SUGCT: variants seen among roughly 807,000 people sequenced by gnomAD.
The protein encoded by SUGCT is succinyl-CoA:glutarate-CoA transferase.
SUGCT carries 41 observed loss-of-function variants against 55.0 expected under a neutral mutation model. The observed-to-expected ratio is 0.74, with a 90% CI of 0.58 to 0.97. The LOEUF (loss-of-function observed/expected upper bound fraction) is 0.97. SUGCT is among the 50% of genes least tolerant of loss of function. SUGCT has a pLI of 0.00. For synonymous variants in SUGCT, 187 were observed against 200.4 expected, an observed-to-expected ratio of 0.93 and a Z score of 0.56; for missense variants, 568 against 547.8, an observed-to-expected ratio of 1.04 and a Z score of -0.37.
In SUGCT at chr7:40,288,956, G is replaced by T. The variant is rs78865097; in HGVS notation, c.720+14300G>T. 9.1e-3 allele frequency among the ~76,000 whole-genome samples: 1,387 copies of T among 152,214 alleles called. 16 individuals carry two copies. The highest frequency in any genetic ancestry group is 0.024 in the Middle Eastern group (7 of 294). Reference sequence around the variant, plus strand: ...ACACAGAAGAATGGGCTGATGCTTTGAAATTTCAGTCTTTTCTTTCTTCCT... The same window carrying T: ...ACACAGAAGAATGGGCTGATGCTTTTAAATTTCAGTCTTTTCTTTCTTCCT... On this transcript the variant is annotated intron_variant, in intron 8 of 13. Coordinates refer to ENST00000335693, the MANE Select transcript of SUGCT (RefSeq NM_001193313.2).
the SUGCT span, among the ~76,000 whole-genome samples, chr7:40,919,388 G>C: frequency 6.6e-6 from 1 of 152,184 alleles, no homozygotes; most frequent in Non-Finnish European, 1.5e-5. Context: ...AATTACCTTT[G>C]AATCAACCAT....
At chr7:40,781,298 A>G (rs1340190575) in intron 13 of SUGCT, among the ~76,000 whole-genome samples, 1 of 152,222 alleles carries the variant, frequency 6.6e-6, no homozygotes, top group Non-Finnish European at 1.5e-5. Context: ...GGACATCACC[A>G]GGATTGATAA....
chr7:40,622,893 G>A (rs535643477), intron 12 of SUGCT, among the ~76,000 whole-genome samples: 8 of 152,070 alleles, frequency 5.3e-5, no homozygotes, highest in Non-Finnish European at 1.0e-4. Context: ...TAAACCTTGG[G>A]CTAATATTCT....
chr7:40,899,114 A>T, the SUGCT span, among the ~76,000 whole-genome samples: 1 of 152,056 alleles, frequency 6.6e-6, no homozygotes, highest in East Asian at 1.9e-4. Context: ...CTCTGATAGG[A>T]GGGAAGGAGT....
At chr7:40,532,647 C>G (rs1456258699) in intron 12 of SUGCT, among the ~76,000 whole-genome samples, 2 of 151,260 alleles carry the variant, frequency 1.3e-5, no homozygotes, top group East Asian at 3.9e-4. Flanking sequence ...TCTAGGTAAG[C>G]AAGCAAAAAT....
intron 9 of SUGCT, among the ~76,000 whole-genome samples, chr7:40,440,759 G>C (rs940972824): frequency 1.3e-5 from 2 of 151,946 alleles, no homozygotes; most frequent in African/African-American, 4.8e-5. Flanking sequence ...TCATTGTTTG[G>C]GGGGCTGAGG....
At chr7:40,226,483 C>T (rs1457366424) in intron 6 of SUGCT, among the ~76,000 whole-genome samples, 1 of 152,028 alleles carries the variant, frequency 6.6e-6, no homozygotes, top group Non-Finnish European at 1.5e-5. Flanking sequence ...CAAAAAAACA[C>T]AAAGACCAAA....
chr7:40,791,295 T>G (rs183718709), intron 13 of SUGCT, among the ~76,000 whole-genome samples: 25 of 152,332 alleles, frequency 1.6e-4, no homozygotes, highest in African/African-American at 5.8e-4. Context: ...AAGCTCTATC[T>G]TTGTAGCACT....
chr7:40,294,672 A>T (rs1794006162), intron 8 of SUGCT, among the ~76,000 whole-genome samples: 1 of 151,948 alleles, frequency 6.6e-6, no homozygotes, highest in Non-Finnish European at 1.5e-5. Flanking sequence ...TCTGCCTCCC[A>T]AGTAGCTGGG....
At position 40,324,244 on chromosome 7, in the gene SUGCT, A is replaced by ATATATATAT. The variant is rs1562681042; in HGVS notation, c.816+7389_816+7390insTATATATAT. On this transcript the variant is annotated intron_variant, in intron 9 of 13. Transcript: ENST00000335693. ...AGATGATCATATATATAAATAAATA[A>ATATATATAT]ATAAATAAATATATATATATTTATT... 1.8e-3 allele frequency among the ~76,000 whole-genome samples: 181 copies of ATATATATAT among 98,422 alleles called. 1 individual carries two copies. The highest frequency in any genetic ancestry group is 5.4e-3 in the Middle Eastern group (1 of 186). The allele number at this position is 98,422 out of a possible 152,430, so 64.6% of individuals were successfully genotyped here.
chr7:41,017,789 A>T, the SUGCT span, among the ~76,000 whole-genome samples: 3 of 151,258 alleles, frequency 2.0e-5, no homozygotes, highest in African/African-American at 7.3e-5. Flanking sequence ...AAAAAAAGAA[A>T]GATTTCACTG....
chr7:40,946,842 A>C, the SUGCT span, among the ~76,000 whole-genome samples: 8 of 152,170 alleles, frequency 5.3e-5, no homozygotes, highest in African/African-American at 1.9e-4. Flanking sequence ...TTTGTATGTG[A>C]TGATATTTGT....
the SUGCT span, among the ~76,000 whole-genome samples, chr7:40,919,571 CCAATA>C: frequency 6.6e-6 from 1 of 152,206 alleles, no homozygotes; most frequent in African/African-American, 2.4e-5. Context: ...TGCCCCCACT[CCAATA>C]CATTTCAGAT....
At chr7:40,654,443 C>T (rs1381748407) in intron 12 of SUGCT, among the ~76,000 whole-genome samples, 2 of 152,186 alleles carry the variant, frequency 1.3e-5, no homozygotes, top group Admixed American at 1.3e-4. Flanking sequence ...ACACCTCCTC[C>T]TAAGCTCCTC....
At chr7:40,721,169 C>A (rs1176748274) in intron 12 of SUGCT, among the ~76,000 whole-genome samples, 1 of 152,148 alleles carries the variant, frequency 6.6e-6, no homozygotes, top group Non-Finnish European at 1.5e-5. Flanking sequence ...CCCAAACAGT[C>A]CACTATCTGC....
At chr7:41,033,468 A>G in the SUGCT span, among the ~76,000 whole-genome samples, 3 of 152,130 alleles carry the variant, frequency 2.0e-5, no homozygotes, top group Admixed American at 6.5e-5. Flanking sequence ...GGACCCAAAC[A>G]TGTTAACTCA....
chr7:40,226,539 T>C (rs1562592122), intron 6 of SUGCT, among the ~76,000 whole-genome samples: 1 of 149,516 alleles, frequency 6.7e-6, no homozygotes, highest in Non-Finnish European at 1.5e-5. Flanking sequence ...ATTAACTCTA[T>C]AAAAGTAAAA....
the SUGCT span, among the ~76,000 whole-genome samples, chr7:40,922,440 C>T: frequency 6.6e-6 from 1 of 152,176 alleles, no homozygotes; most frequent in Non-Finnish European, 1.5e-5. Flanking sequence ...CAGTCTGCCT[C>T]ATATTCACGC....
At chr7:40,897,332 A>C in the SUGCT span, among the ~76,000 whole-genome samples, 1 of 152,204 alleles carries the variant, frequency 6.6e-6, no homozygotes, top group Admixed American at 6.5e-5. Flanking sequence ...CACAGGAAAC[A>C]AAAATAGAAT....
Sources: allele counts gnomAD v4.1 joint callset (sites outside exome capture counted in the v4.1 genomes callset), GRCh38; gene constraint gnomAD v4.1.1; transcripts MANE v1.5; gene names NCBI Gene and HGNC (gene_info 2026-07-23, HGNC 2026-07-21).